MAP4K5: variants seen among roughly 807,000 people sequenced by gnomAD.
MAP4K5 encodes the protein MAPK/ERK kinase kinase kinase 5.
In MAP4K5, 82 loss-of-function variants were observed where a neutral mutation model predicts 135.6. The observed-to-expected ratio is 0.60, with a 90% CI of 0.51 to 0.73. The LOEUF (loss-of-function observed/expected upper bound fraction) is 0.73. Among genes scored for constraint, MAP4K5 ranks in the 30% least tolerant of loss-of-function variants. The pLI is 0.00. For missense variants in MAP4K5, 907 were observed against 1,010.9 expected (o/e 0.90, Z 1.39); for synonymous variants, 347 against 335.0 (o/e 1.04, Z -0.39).
At chr14:50,551,350 CCAAT>C (rs74902690) in intron 1 of MAP4K5, among the ~76,000 whole-genome samples, 103,546 of 151,070 alleles carry the variant, frequency 0.69, 35,742 homozygotes, top group East Asian at 0.75. Flanking sequence ...TCTGAACAGA[CCAAT>C]AACAAGCAGT....
At chr14:50,460,469 C>A (rs1595465522) in intron 13 of MAP4K5, among the ~76,000 whole-genome samples, 1 of 152,148 alleles carries the variant, frequency 6.6e-6, no homozygotes, top group Admixed American at 6.6e-5. Context: ...TGGTTATTTA[C>A]ATAACTAGTG....
chr14:50,423,296 C>T, intron 31 of MAP4K5, 120 bp from the exon 32 acceptor site: 1 of 499,020 alleles, frequency 2.0e-6, no homozygotes, highest in East Asian at 3.1e-5. Context: ...CTTAATTCCT[C>T]AAATAAAAGA....
At position 50,464,072 on chromosome 14, in the gene MAP4K5, T is replaced by C. The variant is rs751547833; in HGVS notation, c.799A>G (p.Thr267Ala). 1.0e-5 allele frequency: 16 copies of C among 1,546,364 alleles called. No homozygotes were observed. Among genetic ancestry groups the C allele is most frequent in the South Asian group, 2.4e-5 (2 of 83,988 alleles). Residue 267 changes from threonine to alanine, a missense_variant, in exon 12 of 33, where the codon ACT becomes GCT. This residue lies in a region of MAP4K5 where 690 missense variants were observed against 777.4 expected (regional missense o/e 0.89). Transcript: ENST00000682126. The stretch of plus-strand genomic sequence containing the variant: ...CTTACAGTCAGAAGTCTTTCAGCAG[T>C]TGGTCTTTTTTTTGGGTTTTTGGTT... ...ALTKNPKKRP[T>A]AERLLTHTFV...
At position 50,447,304 on chromosome 14, in the gene MAP4K5, C is replaced by G. The variant is rs1035663978; in HGVS notation, c.1142+110G>C. On this transcript the variant is annotated intron_variant, in intron 16 of 32. Transcript: ENST00000682126. ...TCAAAAGCTTTACCTTCATTAATGGCATAACTTTTTCAAGAATGCAAATTA... is the reference window on the plus strand; with the variant it reads ...TCAAAAGCTTTACCTTCATTAATGGGATAACTTTTTCAAGAATGCAAATTA... 8 of 635,846 alleles carry G rather than the reference C, an allele frequency of 1.3e-5. No individual in the cohort carries two copies. The African/African-American group carries it at 1.5e-4, about 12-fold the overall frequency. The allele number at this position is 635,846 out of a possible 1,614,324, so 39.4% of individuals were successfully genotyped here.
rs1376510798 is a variant in MAP4K5, at chr14:50,532,063, C to G, written c.-14G>C. The G allele has an allele frequency of 2.0e-6, 3 of 1,498,914 alleles. No homozygotes were observed. The African/African-American group carries it at 4.2e-5, about 21-fold the overall frequency. The allele number at this position is 1,498,914 out of a possible 1,614,324, so 92.9% of individuals were successfully genotyped here. A position where few individuals can be genotyped will look rare whatever the true frequency, so the allele number is the denominator to read the frequency against. On this transcript the variant is annotated 5_prime_UTR_variant, in exon 2 of 33. Transcript: ENST00000682126. ...CGGGGCCTCCATCTTCACTTAGGGCCCGGCCCCCGCCAGCTCACCCCGCGG... is the reference window on the plus strand; with the variant it reads ...CGGGGCCTCCATCTTCACTTAGGGCGCGGCCCCCGCCAGCTCACCCCGCGG...
intron 13 of MAP4K5, among the ~76,000 whole-genome samples, chr14:50,458,710 CT>C (rs2036644817): frequency 6.6e-6 from 1 of 152,186 alleles, no homozygotes; most frequent in African/African-American, 2.4e-5. Flanking sequence ...TCTTCTCATT[CT>C]ACATGCTTCC....
chr14:50,559,695 C>T (rs1454815773), intron 1 of MAP4K5: 1 of 153,322 alleles, frequency 6.5e-6, no homozygotes, highest in Admixed American at 6.5e-5. Flanking sequence ...TATACATATA[C>T]AAAAATGCAT....
chr14:50,485,242 CG>C (rs2037338899), intron 5 of MAP4K5, among the ~76,000 whole-genome samples: 1 of 152,062 alleles, frequency 6.6e-6, no homozygotes, highest in South Asian at 2.1e-4. Flanking sequence ...AAGACAGACA[CG>C]TAACTTCCCT....
chr14:50,517,846 C>T (rs2038066319), intron 2 of MAP4K5, among the ~76,000 whole-genome samples: 1 of 152,110 alleles, frequency 6.6e-6, no homozygotes, highest in South Asian at 2.1e-4. Flanking sequence ...TATCCTCTGA[C>T]AAGAGTAAAG....
chr14:50,450,071 A>G (rs2139748905), intron 14 of MAP4K5: 1 of 152,402 alleles, frequency 6.6e-6, no homozygotes, highest in East Asian at 1.9e-4. Context: ...CCTCCCGAGT[A>G]GCTGGGACTA....
rs1293924402 is a variant in MAP4K5, at chr14:50,419,793, T to C, written c.*226A>G. 1 of 438,916 alleles carries C rather than the reference T, an allele frequency of 2.3e-6. No homozygotes were observed. Among genetic ancestry groups the C allele is most frequent in the East Asian group, 3.3e-5 (1 of 30,306 alleles). 27.2% of individuals were successfully genotyped at this position (438,916 alleles called of 1,614,324 possible). On this transcript the variant is annotated 3_prime_UTR_variant, in exon 33 of 33. Coordinates refer to ENST00000682126, the MANE Select transcript of MAP4K5 (RefSeq NM_006575.6). ...TGGAACTAGAGGACTATTTGTCTCATAGCTTTTATTAAGCAAACTTGATAT... is the reference window on the plus strand; with the variant it reads ...TGGAACTAGAGGACTATTTGTCTCACAGCTTTTATTAAGCAAACTTGATAT...
chr14:50,442,787 A>T lies in MAP4K5; in HGVS notation c.1509T>A (p.Asp503Glu). 6.3e-7 allele frequency: 1 copy of T among 1,598,444 alleles called. No homozygotes were observed. Among genetic ancestry groups the T allele is most frequent in the Non-Finnish European group, 8.5e-7 (1 of 1,172,954 alleles). The change falls in exon 21 of 33, where the codon GAT (aspartate) becomes GAA (glutamate). Residue 503 changes from aspartate (D) to glutamate (E), a missense_variant. Physicochemically the swap from Asp to Glu is conservative, Grantham distance 45. Coordinates refer to ENST00000682126, the MANE Select transcript of MAP4K5 (RefSeq NM_006575.6). ...LMGACFSKVFDGCPLKINCAT... is the reference protein window; with the variant it reads ...LMGACFSKVFEGCPLKINCAT... ...CACAATTAATTTTCAAAGGACAGCC[A>T]TCAAAAACTTTTGAAAAGCATGCTC...
intron 1 of MAP4K5, among the ~76,000 whole-genome samples, chr14:50,558,552 T>C (rs1337928560): frequency 6.6e-6 from 1 of 152,238 alleles, no homozygotes; most frequent in Non-Finnish European, 1.5e-5. Flanking sequence ...CTCAAAGTAT[T>C]CACCTGCAGA....
intron 1 of MAP4K5, among the ~76,000 whole-genome samples, chr14:50,544,888 G>A (rs1436484418): frequency 7.7e-6 from 1 of 130,180 alleles, no homozygotes; most frequent in African/African-American, 2.9e-5. Flanking sequence ...AATGAGCTAT[G>A]ATTGTACCAC....
intron 11 of MAP4K5, 110 bp from the exon 12 acceptor site, chr14:50,464,243 G>C (rs2036781562): frequency 1.7e-6 from 1 of 603,320 alleles, no homozygotes. Context: ...ATTTTTTATT[G>C]GGCCACTTAG....
At chr14:50,437,595 A>G (rs2036125431) in intron 25 of MAP4K5, 61 bp from the exon 26 acceptor site, 3 of 1,138,948 alleles carry the variant, frequency 2.6e-6, no homozygotes. Flanking sequence ...AATGATTTGT[A>G]AATCAGTTGC....
chr14:50,493,879 T>C (rs2037537969), intron 3 of MAP4K5, among the ~76,000 whole-genome samples: 1 of 151,514 alleles, frequency 6.6e-6, no homozygotes, highest in Admixed American at 6.6e-5. Flanking sequence ...TCCCAGCTGC[T>C]TGGGAGGCTG....
chr14:50,555,400 GCCT>G (rs2038753864), intron 1 of MAP4K5, among the ~76,000 whole-genome samples: 1 of 152,182 alleles, frequency 6.6e-6, no homozygotes, highest in Non-Finnish European at 1.5e-5. Context: ...TCCTGCCTCA[GCCT>G]CCTGAGTAGC....
At chr14:50,432,531 AAAAC>A (rs1323808591) in intron 28 of MAP4K5, among the ~76,000 whole-genome samples, 2 of 146,604 alleles carry the variant, frequency 1.4e-5, no homozygotes, top group Non-Finnish European at 3.0e-5. Flanking sequence ...CACGCATTAA[AAAAC>A]AAAGCAAACA....
Sources: gnomAD v4.1 joint callset for allele counts (sites outside exome capture counted in the v4.1 genomes callset) on GRCh38, gnomAD v4.1.1 for gene constraint, gnomAD v4.1.1 regional missense constraint, MANE v1.5 for transcripts, NCBI Gene and HGNC (gene_info 2026-07-23, HGNC 2026-07-21) for gene names.